SEPTIN8: variants seen among roughly 807,000 people sequenced by gnomAD.
SEPTIN8 encodes the protein septin-8.
Under a neutral mutation model 53.1 loss-of-function variants are expected in SEPTIN8, and 22 were observed. The ratio of observed to expected loss-of-function variants is 0.41; its 90% CI spans 0.30 to 0.59. The LOEUF is 0.59. Ranked by LOEUF, SEPTIN8 falls within the 20% of genes least tolerant of loss-of-function variation. The pLI is 0.24. For missense variants in SEPTIN8, 536 were observed against 638.7 expected (o/e 0.84, Z 1.73); for synonymous variants, 228 against 248.4 (o/e 0.92, Z 0.77).
At chr5:132,767,943 C>CCACACACA (rs57640097) in intron 1 of SEPTIN8, among the ~76,000 whole-genome samples, 9,164 of 127,824 alleles carry the variant, frequency 0.072, 481 homozygotes, top group East Asian at 0.16. Flanking sequence ...TGTCTGGAAA[C>CCACACACA]CACACACACA....
At position 132,762,631 on chromosome 5, in the gene SEPTIN8, G is replaced by A. The variant is rs769982977; in HGVS notation, c.549C>T (p.Pro183=). 1.2e-6 allele frequency: 2 copies of A among 1,614,218 alleles called. No homozygotes were observed. The highest frequency in any genetic ancestry group is 2.2e-5 in the East Asian group (1 of 44,890). ...AGATGGTGTCAGCCTTGGCGATGAT[G>A]GGAATAATGTTCACCTGCCAGGATC... The part of the protein sequence containing the change: ...KKLDSKVNII[P]IIAKADTISK... The change falls in exon 5 of 10, where the codon CCC becomes CCT. Residue 183 remains proline, a synonymous_variant. Coordinates refer to ENST00000378719, the MANE Select transcript of SEPTIN8 (RefSeq NM_001098811.2).
chr5:132,778,432 G>A (rs571254219), upstream of SEPTIN8, among the ~76,000 whole-genome samples: 9 of 152,280 alleles, frequency 5.9e-5, 1 homozygote, highest in South Asian at 1.7e-3. Flanking sequence ...CCCTGATTTG[G>A]CTTTCCCCTC....
At chr5:132,757,351 C>T (rs2149956229) in intron 9 of SEPTIN8, 2 of 985,388 alleles carry the variant, frequency 2.0e-6, no homozygotes, top group Admixed American at 6.1e-5. Context: ...CCTCGGTGGA[C>T]ACACACAGCT....
chr5:132,763,713 T>C lies in SEPTIN8; in HGVS notation c.527A>G (p.Asp176Gly), dbSNP rs745936991. 1 of 1,613,952 alleles carries C rather than the reference T, an allele frequency of 6.2e-7. No individual in the cohort carries two copies. The highest frequency in any genetic ancestry group is 1.1e-5 in the South Asian group (1 of 91,072). Reference protein sequence around the residue: ...SLDLVTMKKLDSKVNIIPIIA... With the variant: ...SLDLVTMKKLGSKVNIIPIIA... ...AGGTGGGGACAGGGATACCTTGCTG[T>C]CTAGTTTCTTCATGGTCACTAGATC... Residue 176 changes from aspartate (D) to glycine (G), a missense_variant, in exon 4 of 10, where the codon GAC (aspartate) becomes GGC (glycine). Physicochemically the swap from Asp to Gly is moderately conservative, Grantham distance 94. Transcript: ENST00000378719.
intron 4 of SEPTIN8, 142 bp from the exon 5 acceptor site, chr5:132,762,787 C>T (rs1037328780): frequency 6.9e-6 from 6 of 868,400 alleles, no homozygotes; most frequent in Non-Finnish European, 3.6e-6. Flanking sequence ...GAGCCACTCC[C>T]ACGGGCAGCC....
chr5:132,765,288 C>T, intron 2 of SEPTIN8, 121 bp downstream of exon 2: 3 of 1,209,694 alleles, frequency 2.5e-6, no homozygotes, highest in East Asian at 5.0e-5. Context: ...CTCGTCCTGA[C>T]ACCCCCAAAG....
Position 132,758,866 on chromosome 5 carries a change from A to G in SEPTIN8, c.1286+1936T>C, listed in dbSNP as rs371888072. On this transcript the variant is annotated intron_variant, in intron 9 of 9. Transcript: ENST00000378719. ...AAACAAACAAAACAAAAACAGACAC[A>G]TTAAAAGATATGCAGACCAAATCAA... 1.2e-4 allele frequency: 185 copies of G among 1,570,260 alleles called. 4 individuals carry two copies. In the South Asian group the frequency reaches 1.9e-3, roughly 16 times the overall value.
chr5:132,777,446 G>T, upstream of SEPTIN8: 1 of 991,452 alleles, frequency 1.0e-6, no homozygotes, highest in Non-Finnish European at 1.2e-6. The surrounding 1 kb of genome is among the most constrained non-coding windows in gnomAD (Gnocchi z 4.1). Flanking sequence ...CTTGTAGTCC[G>T]CGCGTTGGGG....
At chr5:132,775,999 T>G (rs1757752460) in intron 1 of SEPTIN8, 1 of 152,244 alleles carries the variant, frequency 6.6e-6, no homozygotes, top group African/African-American at 2.4e-5. Context: ...AAGAAATGTA[T>G]TTTCAGATTA....
Position 132,761,208 on chromosome 5 carries a change from C to G in SEPTIN8, c.1020G>C (p.Lys340Asn), listed in dbSNP as rs1181331559. 3.7e-6 allele frequency: 6 copies of G among 1,614,194 alleles called. No homozygotes were observed. Among genetic ancestry groups the G allele is most frequent in the African/African-American group, 1.3e-5 (1 of 75,050 alleles). Residue 340 changes from lysine (K) to asparagine (N), a missense_variant, in exon 8 of 10, where the codon AAG becomes AAC. Physicochemically the swap from Lys to Asn is moderately conservative, Grantham distance 94. This residue lies in a region of SEPTIN8 where 395 missense variants were observed against 451.8 expected (regional missense o/e 0.87). Coordinates refer to ENST00000378719, the MANE Select transcript of SEPTIN8 (RefSeq NM_001098811.2). The surrounding 1 kb of genome is among the most constrained non-coding windows in gnomAD (Gnocchi z 5.8). ...RKEFLSELQRKEEEMRQMFVN... is the reference protein window; with the variant it reads ...RKEFLSELQRNEEEMRQMFVN... ...CAAACATCTGCCTCATCTCTTCCTC[C>G]TTCCTCTGCAGCTCACTTAGGAACT...
At chr5:132,774,967 C>G (rs755108151) in intron 1 of SEPTIN8, among the ~76,000 whole-genome samples, 26 of 152,168 alleles carry the variant, frequency 1.7e-4, no homozygotes, top group Admixed American at 1.2e-3. Flanking sequence ...AAATTCAGGC[C>G]AAACTCCACC....
Position 132,750,927 on chromosome 5 carries a change from T to C in SEPTIN8, c.*1089A>G, listed in dbSNP as rs573601371. The C allele has an allele frequency of 6.2e-7, 1 of 1,614,242 alleles. No individual in the cohort carries two copies. The highest frequency in any genetic ancestry group is 1.1e-5 in the South Asian group (1 of 91,088). On this transcript the variant is annotated 3_prime_UTR_variant, in exon 10 of 10. Transcript: ENST00000378719. Reference sequence around the variant, plus strand: ...TATTCCCCGAATGAGCTGCTGAGGATGGAGCTGGCTATTCTGGACAGACTG... The same window carrying C: ...TATTCCCCGAATGAGCTGCTGAGGACGGAGCTGGCTATTCTGGACAGACTG...
At chr5:132,754,638 C>T in intron 9 of SEPTIN8, 1 of 626,532 alleles carries the variant, frequency 1.6e-6, no homozygotes, top group Non-Finnish European at 2.9e-6. Context: ...TTTTGTATTG[C>T]CGAAGTCCCA....
rs1756123181 is a variant in SEPTIN8, at chr5:132,762,761, G to A, written c.535-116C>T. The A allele has an allele frequency of 5.1e-6, 6 of 1,171,172 alleles. No individual in the cohort carries two copies. The South Asian group carries it at 8.5e-5, about 17-fold the overall frequency. The allele number at this position is 1,171,172 out of a possible 1,614,324, so 72.5% of individuals were successfully genotyped here. A position where few individuals can be genotyped will look rare whatever the true frequency, so the allele number is the denominator to read the frequency against. The stretch of plus-strand genomic sequence containing the variant: ...AGGCCATATCCCTGGGCAGGGGGAA[G>A]GAGGCCAGAGAGATGGAGCCACTCC... On this transcript the variant is annotated intron_variant, in intron 4 of 9. Transcript: ENST00000378719.
chr5:132,769,998 T>TATATATATATATATATATATATAC (rs1757030425), intron 1 of SEPTIN8, among the ~76,000 whole-genome samples: 1 of 46,782 alleles, frequency 2.1e-5, no homozygotes, highest in Admixed American at 2.8e-4. Context: ...TATATATATA[T>TATATATATATATATATATATATAC]ATATATATAT....
At chr5:132,769,184 T>C (rs1291901168) in intron 1 of SEPTIN8, among the ~76,000 whole-genome samples, 1 of 152,192 alleles carries the variant, frequency 6.6e-6, no homozygotes, top group African/African-American at 2.4e-5. Flanking sequence ...ACAGACTCCA[T>C]GATTATCCCC....
At position 132,770,020 on chromosome 5, in the gene SEPTIN8, TATACAC is replaced by T. The variant is rs1341923997; in HGVS notation, c.31-4497_31-4492del. On this transcript the variant is annotated intron_variant, in intron 1 of 9. Transcript: ENST00000378719. The stretch of plus-strand genomic sequence containing the variant: ...ATATATATATATATATATATATATA[TATACAC>T]ACACATATATATATATGTGTGTGTG... Among the ~76,000 whole-genome samples the T allele has an allele frequency of 7.9e-4, 27 of 34,304 alleles. 1 individual carries two copies. Among genetic ancestry groups the T allele is most frequent in the Admixed American group, 1.1e-3 (3 of 2,778 alleles). 22.5% of individuals were successfully genotyped at this position (34,304 alleles called of 152,430 possible). A position where few individuals can be genotyped will look rare whatever the true frequency, so the allele number is the denominator to read the frequency against.
At chr5:132,758,908 G>A in intron 9 of SEPTIN8, 1 of 1,283,290 alleles carries the variant, frequency 7.8e-7, no homozygotes, top group Non-Finnish European at 1.1e-6. Context: ...GCAAAAGACA[G>A]CAAGATGGAC....
At chr5:132,756,431 A>ATGAT in intron 9 of SEPTIN8, 1 of 985,430 alleles carries the variant, frequency 1.0e-6, no homozygotes, top group African/African-American at 1.7e-5. Flanking sequence ...TGATAAAGAC[A>ATGAT]TGATAGTAAA....
Sources: gnomAD v4.1 joint callset for allele counts (sites outside exome capture counted in the v4.1 genomes callset) on GRCh38, gnomAD v4.1.1 for gene constraint, gnomAD v4.1.1 regional missense constraint, Gnocchi (gnomAD v3.1) non-coding constraint, MANE v1.5 for transcripts, NCBI Gene and HGNC (gene_info 2026-07-23, HGNC 2026-07-21) for gene names.